The following C7 variants were observed in gnomAD, a reference collection of about 807,000 sequenced individuals.
C7 encodes the protein complement C7.
Under a neutral mutation model 104.8 loss-of-function variants are expected in C7, and 83 were observed. That is an observed-to-expected ratio of 0.79 (90% CI 0.66 to 0.95). The LOEUF (loss-of-function observed/expected upper bound fraction) is 0.95, where lower values mean the gene tolerates loss of function less well. Ranked by LOEUF, C7 falls within the 40% of genes least tolerant of loss-of-function variation. C7 has a pLI of 0.00. For synonymous variants in C7, 415 were observed against 360.6 expected, an observed-to-expected ratio of 1.15 and a Z score of -1.71; for missense variants, 1,070 against 1,011.2, an observed-to-expected ratio of 1.06 and a Z score of -0.79.
Position 40,972,578 on chromosome 5 carries a change from C to T in C7, c.2058C>T (p.Ala686=), listed in dbSNP as rs770943137. The T allele has an allele frequency of 1.9e-6, 3 of 1,600,910 alleles. No homozygotes were observed. The highest frequency in any genetic ancestry group is 1.3e-5 in the African/African-American group (1 of 74,386). ...SLKWSPEMKN[A]RCVQKENPLT... ...AGTGGAGTCCTGAGATGAAGAATGC[C>T]CGCTGTGTACAAAAAGGTGAGTGGC... is the stretch of plus-strand genomic sequence containing the variant. Residue 686 remains alanine, a synonymous_variant, in exon 15 of 18, where the codon GCC becomes GCT. Transcript: ENST00000313164.
At position 40,936,495 on chromosome 5, in the gene C7, T is replaced by C. The variant is rs1487470600; in HGVS notation, c.428+10T>C. ...AACTTACTGGAAATGGGTAAGGTGC[T>C]GGGCAGCCTCCTGAGTACATCAGTG... On this transcript the variant is annotated intron_variant, in intron 5 of 17. Coordinates refer to ENST00000313164, the MANE Select transcript of C7 (RefSeq NM_000587.4). 1 of 1,611,412 alleles carries C rather than the reference T, an allele frequency of 6.2e-7. No homozygotes were observed. The highest frequency in any genetic ancestry group is 8.5e-7 in the Non-Finnish European group (1 of 1,178,686).
chr5:40,941,181 G>A (rs566133498), intron 6 of C7, among the ~76,000 whole-genome samples: 19 of 151,382 alleles, frequency 1.3e-4, no homozygotes, highest in African/African-American at 4.1e-4. Context: ...CTCATGCCTC[G>A]GCCTACCGAG....
intron 3 of C7, among the ~76,000 whole-genome samples, chr5:40,932,374 T>C (rs1739704147): frequency 6.6e-6 from 1 of 152,190 alleles, no homozygotes; most frequent in Admixed American, 6.5e-5. Context: ...TCTTTTCCCA[T>C]AATTTTCTGA....
intron 10 of C7, 68 bp from the exon 11 acceptor site, chr5:40,957,965 A>G: frequency 1.7e-6 from 2 of 1,145,002 alleles, no homozygotes; most frequent in Non-Finnish European, 2.4e-6. Flanking sequence ...AGTCGTGCCT[A>G]AACATGAAAA....
At chr5:40,948,259 A>G (rs1315850838) in intron 8 of C7, among the ~76,000 whole-genome samples, 1 of 151,774 alleles carries the variant, frequency 6.6e-6, no homozygotes, top group Non-Finnish European at 1.5e-5. Context: ...TTTTAAAAAA[A>G]TCCTCTCTGA....
At chr5:40,949,373 A>AC (rs1554042873) in intron 8 of C7, among the ~76,000 whole-genome samples, 48 of 150,416 alleles carry the variant, frequency 3.2e-4, no homozygotes, top group African/African-American at 1.1e-3. Context: ...AAAAAAAAAA[A>AC]CACAAAAAAC....
At chr5:40,913,110 AT>A (rs2111605598) in intron 1 of C7, among the ~76,000 whole-genome samples, 1 of 152,330 alleles carries the variant, frequency 6.6e-6, no homozygotes, top group South Asian at 2.1e-4. Context: ...AGTTCCATCC[AT>A]GCTGCTGCAA....
Position 40,979,861 on chromosome 5 carries a change from T to A in C7, c.2302T>A (p.Ser768Thr). 6.2e-7 allele frequency: 1 copy of A among 1,607,794 alleles called. No individual in the cohort carries two copies. The highest frequency in any genetic ancestry group is 8.5e-7 in the Non-Finnish European group (1 of 1,176,710). Reference sequence around the variant, plus strand: ...TAGGGACAGCTGTACTCTGCCTGCCTCAGCTGAGAAAGCTTGTGGTGCCTG... The same window carrying A: ...TAGGGACAGCTGTACTCTGCCTGCCACAGCTGAGAAAGCTTGTGGTGCCTG... ...TGRDSCTLPA[S>T]AEKACGACPL... The change falls in exon 17 of 18, where the codon TCA becomes ACA. Residue 768 changes from serine (S) to threonine (T), a missense_variant. By Grantham distance (58) the Ser-to-Thr change is moderately conservative. Coordinates refer to ENST00000313164, the MANE Select transcript of C7 (RefSeq NM_000587.4).
chr5:40,954,224 A>C (rs970725285), intron 9 of C7, among the ~76,000 whole-genome samples: 1 of 152,152 alleles, frequency 6.6e-6, no homozygotes, highest in Non-Finnish European at 1.5e-5. Flanking sequence ...TCCTTCCAAT[A>C]TTTTATTATG....
intron 2 of C7, among the ~76,000 whole-genome samples, chr5:40,930,501 C>T (rs182292869): frequency 3.3e-5 from 5 of 150,198 alleles, no homozygotes; most frequent in Non-Finnish European, 3.0e-5. Flanking sequence ...CAACCATACC[C>T]GGCCAATGAC....
chr5:40,910,694 T>G (rs1035284936), intron 1 of C7, among the ~76,000 whole-genome samples: 2 of 140,004 alleles, frequency 1.4e-5, no homozygotes, highest in Non-Finnish European at 1.5e-5. Flanking sequence ...ATGTTCTTAA[T>G]TTTTAAGTGG....
chr5:40,930,043 C>T (rs962712132), intron 2 of C7, among the ~76,000 whole-genome samples: 1 of 152,076 alleles, frequency 6.6e-6, no homozygotes, highest in South Asian at 2.1e-4. Flanking sequence ...TTTTCACCTA[C>T]CCTCTTAACT....
chr5:40,974,021 T>G (rs1740759496), intron 15 of C7, among the ~76,000 whole-genome samples: 1 of 152,242 alleles, frequency 6.6e-6, no homozygotes, highest in Non-Finnish European at 1.5e-5. Context: ...TTTAAAATGT[T>G]GGCTGTTCTA....
At chr5:40,914,653 C>T (rs1739282173) in intron 1 of C7, among the ~76,000 whole-genome samples, 1 of 152,042 alleles carries the variant, frequency 6.6e-6, no homozygotes, top group Non-Finnish European at 1.5e-5. Flanking sequence ...AGGTGAGAGA[C>T]AGGAGGACCT....
At chr5:40,920,210 A>G (rs1220495079) in intron 1 of C7, among the ~76,000 whole-genome samples, 1 of 151,246 alleles carries the variant, frequency 6.6e-6, no homozygotes, top group Non-Finnish European at 1.5e-5. Context: ...TCTTCTGTTC[A>G]TTTAGGTCCT....
intron 8 of C7, among the ~76,000 whole-genome samples, chr5:40,948,957 T>A (rs1361649800): frequency 6.6e-6 from 1 of 152,144 alleles, no homozygotes; most frequent in Non-Finnish European, 1.5e-5. Context: ...AAAATTTAAC[T>A]AGAACTTGAT....
At chr5:40,963,412 G>C (rs553695452) in intron 13 of C7, among the ~76,000 whole-genome samples, 1 of 152,140 alleles carries the variant, frequency 6.6e-6, no homozygotes, top group African/African-American at 2.4e-5. Context: ...GTTTTTGCAA[G>C]GTGGAGGAAG....
chr5:40,919,487 T>C (rs988942469), intron 1 of C7, among the ~76,000 whole-genome samples: 3 of 152,026 alleles, frequency 2.0e-5, no homozygotes, highest in African/African-American at 7.2e-5. Flanking sequence ...GGAAGCTAGG[T>C]GTCATGTTAT....
intron 1 of C7, among the ~76,000 whole-genome samples, chr5:40,918,945 A>AACACACACAC (rs1231864644): frequency 1.1e-5 from 1 of 91,568 alleles, no homozygotes; most frequent in African/African-American, 5.5e-5. Flanking sequence ...TAATGAATCT[A>AACACACACAC]ACAGACACAC....
Sources: allele counts gnomAD v4.1 joint callset (sites outside exome capture counted in the v4.1 genomes callset), GRCh38; gene constraint gnomAD v4.1.1; transcripts MANE v1.5; gene names NCBI Gene and HGNC (gene_info 2026-07-23, HGNC 2026-07-21).